IMPA2: variants seen among roughly 807,000 people sequenced by gnomAD.
IMPA2 encodes inositol monophosphatase 2, also known as IMP 2.
In IMPA2, 32 loss-of-function variants were observed where a neutral mutation model predicts 35.1. The observed-to-expected ratio is 0.91, with a 90% CI of 0.69 to 1.23. The LOEUF (loss-of-function observed/expected upper bound fraction) is 1.23. IMPA2 is among the 50% of genes most tolerant of loss of function. IMPA2 has a pLI of 0.00. For synonymous variants in IMPA2, 135 were observed against 160.6 expected, an observed-to-expected ratio of 0.84 and a Z score of 1.20; for missense variants, 334 against 387.6, an observed-to-expected ratio of 0.86 and a Z score of 1.16.
intron 5 of IMPA2, among the ~76,000 whole-genome samples, chr18:12,023,289 G>A (rs1907787367): frequency 6.6e-6 from 1 of 152,120 alleles, no homozygotes; most frequent in Non-Finnish European, 1.5e-5. Context: ...ACCATGTAAT[G>A]GCTCCATGGC....
At chr18:12,001,019 A>G (rs1450956230) in intron 2 of IMPA2, among the ~76,000 whole-genome samples, 1 of 151,254 alleles carries the variant, frequency 6.6e-6, no homozygotes, top group Non-Finnish European at 1.5e-5. Context: ...ATCACGAGTG[A>G]GGAGTTCAAG....
chr18:12,005,519 C>T (rs888458295), intron 2 of IMPA2, among the ~76,000 whole-genome samples: 1 of 151,972 alleles, frequency 6.6e-6, no homozygotes, highest in African/African-American at 2.4e-5. Flanking sequence ...AAAGTACTTG[C>T]TGGGTTACAC....
chr18:12,028,931 G>A lies in IMPA2; in HGVS notation c.689G>A (p.Trp230Ter). The change falls in exon 7 of 8, where the codon TGG becomes TAG. Residue 230 changes from tryptophan (W) to a stop codon, truncating the protein, a stop_gained. Transcript: ENST00000269159. LOFTEE classifies it high-confidence loss of function. ...TATTACCAGTTTGGCCTGCACTGCT[G>A]GGATCTGGCGGCTGCCACAGTCATC... ...DAYYQFGLHC[W>*]DLAAATVIIR... 1 of 1,614,036 alleles carries A rather than the reference G, an allele frequency of 6.2e-7. No individual in the cohort carries two copies. The highest frequency in any genetic ancestry group is 8.5e-7 in the Non-Finnish European group (1 of 1,180,024).
At chr18:11,986,120 A>T (rs566724184) in intron 1 of IMPA2, among the ~76,000 whole-genome samples, 1 of 152,058 alleles carries the variant, frequency 6.6e-6, no homozygotes, top group South Asian at 2.1e-4. Flanking sequence ...AAAAAGAAAA[A>T]CCCAGCACTG....
chr18:12,017,931 GT>G (rs954398850), intron 5 of IMPA2: 249 of 142,926 alleles, frequency 1.7e-3, no homozygotes, highest in South Asian at 4.7e-3. Flanking sequence ...GTTATACTGG[GT>G]TTTTTTTTTT....
intron 1 of IMPA2, 118 bp downstream of exon 1, chr18:11,981,883 G>A: frequency 5.2e-6 from 3 of 571,624 alleles, no homozygotes; most frequent in Non-Finnish European, 7.7e-6. Context: ...GTCCGCACCC[G>A]AGGGCGCGGG....
intron 1 of IMPA2, among the ~76,000 whole-genome samples, chr18:11,996,136 A>G (rs1906952659): frequency 6.6e-6 from 1 of 152,220 alleles, no homozygotes; most frequent in South Asian, 2.1e-4. Flanking sequence ...GGTAAGTTGT[A>G]GAAGGATCAG....
At chr18:12,005,762 T>G (rs1359474758) in intron 2 of IMPA2, among the ~76,000 whole-genome samples, 3 of 152,180 alleles carry the variant, frequency 2.0e-5, no homozygotes, top group Non-Finnish European at 4.4e-5. Flanking sequence ...CAGCGTGAGT[T>G]GTCCTGGGTG....
chr18:11,981,882 C>T, intron 1 of IMPA2, 117 bp downstream of exon 1: 1 of 592,504 alleles, frequency 1.7e-6, no homozygotes, highest in Admixed American at 4.5e-5. Context: ...GGTCCGCACC[C>T]GAGGGCGCGG....
intron 2 of IMPA2, among the ~76,000 whole-genome samples, chr18:12,007,585 TTCTTTTCTTTCTTTCTTTC>T (rs1907288062): frequency 2.0e-5 from 3 of 149,556 alleles, no homozygotes; most frequent in African/African-American, 7.5e-5. Context: ...TTTCTTTCTT[TTCTTTTCTTTCTTTCTTTC>T]TCTTTCTTTC....
chr18:12,002,947 CT>C (rs1330945024), intron 2 of IMPA2, among the ~76,000 whole-genome samples: 9 of 151,794 alleles, frequency 5.9e-5, no homozygotes, highest in Non-Finnish European at 1.5e-5. Context: ...AATCCCTGCA[CT>C]TTGGGAGGCC....
chr18:12,028,442 AG>A, intron 6 of IMPA2: 1 of 459,582 alleles, frequency 2.2e-6, no homozygotes, highest in Non-Finnish European at 3.9e-6. Context: ...GTCCTTCCCG[AG>A]GGGGCCTGGC....
intron 1 of IMPA2, among the ~76,000 whole-genome samples, chr18:11,995,181 G>A (rs756876397): frequency 1.3e-5 from 2 of 152,230 alleles, no homozygotes; most frequent in Non-Finnish European, 2.9e-5. Context: ...GGGTGGGGTG[G>A]TCTGCTCCAC....
intron 2 of IMPA2, among the ~76,000 whole-genome samples, chr18:12,001,540 A>T (rs1308880266): frequency 6.6e-6 from 1 of 152,176 alleles, no homozygotes; most frequent in Non-Finnish European, 1.5e-5. Flanking sequence ...CACGCAACCC[A>T]CTGTTGGGTT....
intron 1 of IMPA2, among the ~76,000 whole-genome samples, chr18:11,984,117 T>G (rs1310095347): frequency 3.3e-5 from 5 of 152,134 alleles, no homozygotes; most frequent in African/African-American, 1.2e-4. Flanking sequence ...GAGATAAAGG[T>G]GCACTGTCCT....
chr18:11,986,150 C>A (rs1291789423), intron 1 of IMPA2, among the ~76,000 whole-genome samples: 1 of 152,184 alleles, frequency 6.6e-6, no homozygotes, highest in African/African-American at 2.4e-5. Flanking sequence ...CCGCAGACTT[C>A]CCCCTTCTCT....
At chr18:11,993,837 C>T (rs1200395397) in intron 1 of IMPA2, among the ~76,000 whole-genome samples, 3 of 152,172 alleles carry the variant, frequency 2.0e-5, no homozygotes, top group Non-Finnish European at 4.4e-5. Flanking sequence ...GGGGCTTGAG[C>T]CTGGCATGGG....
At chr18:12,005,585 C>T (rs754101922) in intron 2 of IMPA2, among the ~76,000 whole-genome samples, 1 of 152,198 alleles carries the variant, frequency 6.6e-6, no homozygotes, top group African/African-American at 2.4e-5. Context: ...ACAGCAGAAG[C>T]TTTGTTAACA....
At chr18:12,027,791 A>G (rs1907923629) in intron 5 of IMPA2, among the ~76,000 whole-genome samples, 1 of 150,056 alleles carries the variant, frequency 6.7e-6, no homozygotes, top group African/African-American at 2.5e-5. Flanking sequence ...CATCTTGCCC[A>G]GGCTGGTCTG....
Sources: allele counts gnomAD v4.1 joint callset (sites outside exome capture counted in the v4.1 genomes callset), GRCh38; gene constraint gnomAD v4.1.1; transcripts MANE v1.5; gene names NCBI Gene and HGNC (gene_info 2026-07-23, HGNC 2026-07-21).